PIAS4: variants seen among roughly 807,000 people sequenced by gnomAD.
PIAS4 encodes protein inhibitor of activated STAT 4.
PIAS4 carries 7 observed loss-of-function variants against 58.0 expected under a neutral mutation model. The observed-to-expected ratio is 0.12, with a 90% CI of 0.07 to 0.23. PIAS4 has a LOEUF of 0.23. Ranked by LOEUF, PIAS4 falls within the 10% of genes least tolerant of loss-of-function variation. The pLI, the probability that PIAS4 is intolerant of heterozygous loss-of-function variation, is 1.00. For missense variants in PIAS4, 550 were observed against 709.5 expected, an observed-to-expected ratio of 0.78 and a Z score of 2.55; for synonymous variants, 364 against 312.4, an observed-to-expected ratio of 1.17 and a Z score of -1.74.
chr19:4,025,082 A>G (rs1482209516), intron 3 of PIAS4, among the ~76,000 whole-genome samples: 2 of 152,212 alleles, frequency 1.3e-5, no homozygotes, highest in African/African-American at 4.8e-5. Context: ...GTTTTTTCCC[A>G]GTTATATAAT....
intron 2 of PIAS4, among the ~76,000 whole-genome samples, chr19:4,019,789 C>T (rs1037194770): frequency 1.3e-5 from 2 of 152,228 alleles, no homozygotes; most frequent in African/African-American, 4.8e-5. Context: ...TGGCAGCCCC[C>T]TCTTCCTGAG....
In PIAS4 at chr19:4,038,368, C is replaced by T. The variant is rs2040326330; in HGVS notation, c.*493C>T. On this transcript the variant is annotated 3_prime_UTR_variant, in exon 11 of 11. Coordinates refer to ENST00000262971, the MANE Select transcript of PIAS4 (RefSeq NM_015897.4). The surrounding 1 kb of genome is among the most constrained non-coding windows in gnomAD (Gnocchi z 4.1). ...CTTTGCTTTTTCTCTGCAAATGCATCCTCGCCCAGAGACCCTCACGCGCCG... is the reference window on the plus strand; with the variant it reads ...CTTTGCTTTTTCTCTGCAAATGCATTCTCGCCCAGAGACCCTCACGCGCCG... 2 of 152,064 alleles carry T rather than the reference C, an allele frequency of 1.3e-5. No homozygotes were observed. Among genetic ancestry groups the T allele is most frequent in the African/African-American group, 2.4e-5 (1 of 41,346 alleles). The allele number at this position is 152,064 out of a possible 1,614,324, so 9.4% of individuals were successfully genotyped here.
chr19:4,009,287 C>A (rs2039971226), intron 1 of PIAS4, among the ~76,000 whole-genome samples: 3 of 152,170 alleles, frequency 2.0e-5, no homozygotes, highest in African/African-American at 7.2e-5. Flanking sequence ...GCCTCCCAAC[C>A]CTACACCCCT....
chr19:4,037,880 G>A lies in PIAS4; in HGVS notation c.*5G>A, dbSNP rs781196248. ...GGCCTGGTGCCGGCCTGCTGACCCC[G>A]GCCGCACACTCGACTTTCCTGGTGC... is the stretch of plus-strand genomic sequence containing the variant. On this transcript the variant is annotated 3_prime_UTR_variant, in exon 11 of 11. Coordinates refer to ENST00000262971, the MANE Select transcript of PIAS4 (RefSeq NM_015897.4). This position sits in a 1 kb window ranked among gnomAD's most constrained non-coding sequence, Gnocchi z 5.8. 4.6e-5 allele frequency: 72 copies of A among 1,566,618 alleles called. No individual in the cohort carries two copies. Among genetic ancestry groups the A allele is most frequent in the Admixed American group, 1.1e-4 (6 of 53,660 alleles).
chr19:4,033,219 G>T, intron 8 of PIAS4, 46 bp downstream of exon 8: 4 of 1,560,430 alleles, frequency 2.6e-6, no homozygotes, highest in Middle Eastern at 1.7e-4. Context: ...CCTGCGGCCG[G>T]CCTTCCCCCC....
intron 3 of PIAS4, 62 bp from the exon 4 acceptor site, chr19:4,028,084 G>A: frequency 1.3e-6 from 2 of 1,521,894 alleles, no homozygotes; most frequent in South Asian, 2.2e-5. Context: ...CGGGTGGGCT[G>A]GGGTCACGCC....
Position 4,037,127 on chromosome 19 carries a change from G to A in PIAS4, c.1143-247G>A, listed in dbSNP as rs2040306466. Among the ~76,000 whole-genome samples the A allele has an allele frequency of 6.6e-6, 1 of 152,242 alleles. No homozygotes were observed. The highest frequency in any genetic ancestry group is 6.5e-5 in the Admixed American group (1 of 15,292). ...TGGGTAGTTGGGGGCCACTGGGTAT[G>A]TGTGTCCATGCCCCGTCCCCCCGGC... On this transcript the variant is annotated intron_variant, in intron 9 of 10. Coordinates refer to ENST00000262971, the MANE Select transcript of PIAS4 (RefSeq NM_015897.4). This position sits in a 1 kb window ranked among gnomAD's most constrained non-coding sequence, Gnocchi z 5.8.
chr19:4,026,073 CAAAAAA>C (rs34554020), intron 3 of PIAS4, among the ~76,000 whole-genome samples: 4 of 76,808 alleles, frequency 5.2e-5, no homozygotes, highest in Admixed American at 1.4e-4. Context: ...GACTCCGTCT[CAAAAAA>C]AAAAAAAAAA....
intron 3 of PIAS4, among the ~76,000 whole-genome samples, chr19:4,026,683 C>T (rs975714528): frequency 2.0e-5 from 3 of 151,772 alleles, no homozygotes; most frequent in Non-Finnish European, 4.4e-5. Context: ...ATGTGGCTTT[C>T]GTTTATTATT....
chr19:4,011,672 G>A (rs1020119870), intron 1 of PIAS4, among the ~76,000 whole-genome samples: 1 of 110,430 alleles, frequency 9.1e-6, no homozygotes. Context: ...GTGGAGGTGT[G>A]GGGGGTGTGG....
chr19:4,016,808 G>C (rs1354491699), intron 2 of PIAS4, among the ~76,000 whole-genome samples: 3 of 152,194 alleles, frequency 2.0e-5, no homozygotes, highest in Non-Finnish European at 4.4e-5. Flanking sequence ...GTTCATTGTG[G>C]CCAGAACATG....
intron 2 of PIAS4, among the ~76,000 whole-genome samples, chr19:4,023,660 C>T (rs143578019): frequency 2.4e-4 from 36 of 152,304 alleles, no homozygotes; most frequent in African/African-American, 8.2e-4. Flanking sequence ...GGGCCGGGTC[C>T]GGTTTGTGCT....
rs1311318298 is a variant in PIAS4 at position 4,038,249 on chromosome 19, TGCCCACGACCATTCC to T, written c.*375_*389del. On this transcript the variant is annotated 3_prime_UTR_variant, in exon 11 of 11. Transcript: ENST00000262971. This position sits in a 1 kb window ranked among gnomAD's most constrained non-coding sequence, Gnocchi z 4.1. ...GGATGCCCCGCCGCCCGCCGCCCTCTGCCCACGACCATTCCAGCCAGTGCGCGGGGACCCGGGCGG... is the reference window on the plus strand; with the variant it reads ...GGATGCCCCGCCGCCCGCCGCCCTCTAGCCAGTGCGCGGGGACCCGGGCGG... 186 of 212,986 alleles carry T rather than the reference TGCCCACGACCATTCC, an allele frequency of 8.7e-4. 1 individual carries two copies. Among genetic ancestry groups the T allele is most frequent in the Non-Finnish European group, 1.5e-3 (159 of 108,362 alleles). The allele number at this position is 212,986 out of a possible 1,614,324, so 13.2% of individuals were successfully genotyped here. A position where few individuals can be genotyped will look rare whatever the true frequency, so the allele number is the denominator to read the frequency against.
In PIAS4 at chr19:4,013,689, A is replaced by G. The variant is rs77996612; in HGVS notation, c.454+340A>G. 4.5e-4 allele frequency among the ~76,000 whole-genome samples: 68 copies of G among 152,224 alleles called. No homozygotes were observed. The East Asian group carries it at 0.011, about 25-fold the overall frequency. ...AGCCACCTCATCTGGAGGCTCGACC[A>G]GGGCTGGAGCAGGCACATCCTTGTG... is the stretch of plus-strand genomic sequence containing the variant. On this transcript the variant is annotated intron_variant, in intron 2 of 10. Coordinates refer to ENST00000262971, the MANE Select transcript of PIAS4 (RefSeq NM_015897.4). The surrounding 1 kb of genome is among the most constrained non-coding windows in gnomAD (Gnocchi z 5.1).
intron 4 of PIAS4, 42 bp from the exon 5 acceptor site, chr19:4,028,468 G>A: frequency 6.9e-7 from 1 of 1,453,974 alleles, no homozygotes. Flanking sequence ...AGTCCCTCCT[G>A]TGCGCCCCCT....
At chr19:4,010,944 C>G (rs2039986786) in intron 1 of PIAS4, among the ~76,000 whole-genome samples, 1 of 152,252 alleles carries the variant, frequency 6.6e-6, no homozygotes, top group Non-Finnish European at 1.5e-5. Flanking sequence ...CTCTCCGTCT[C>G]CAACAGGACC....
At chr19:4,036,095 G>A (rs1443755406) in intron 9 of PIAS4, among the ~76,000 whole-genome samples, 10 of 48,316 alleles carry the variant, frequency 2.1e-4, no homozygotes, top group South Asian at 1.3e-3. Flanking sequence ...AGTCCACACC[G>A]TCATACAAAC....
chr19:4,037,363 C>T lies in PIAS4; in HGVS notation c.1143-11C>T, dbSNP rs1266847514. On this transcript the variant is annotated splice_polypyrimidine_tract_variant and intron_variant, in intron 9 of 10. Transcript: ENST00000262971. The surrounding 1 kb of genome is among the most constrained non-coding windows in gnomAD (Gnocchi z 5.8). ...CTCCAGCCCCGGCGTCAGCTGTCCG[C>T]CTCGCCCCAGGCTCCTCTCGAAGAT... The T allele has an allele frequency of 5.0e-6, 8 of 1,596,522 alleles. No homozygotes were observed. In the Admixed American group the frequency reaches 1.0e-4, roughly 20 times the overall value.
At chr19:4,012,881 C>G in intron 1 of PIAS4, 42 bp from the exon 2 acceptor site, 2 of 1,565,454 alleles carry the variant, frequency 1.3e-6, no homozygotes, top group African/African-American at 2.7e-5. Context: ...CCCTGCCTCG[C>G]AGCTGTGTCC....
Sources: allele counts gnomAD v4.1 joint callset (sites outside exome capture counted in the v4.1 genomes callset), GRCh38; gene constraint gnomAD v4.1.1; non-coding constraint Gnocchi (gnomAD v3.1); transcripts MANE v1.5; gene names NCBI Gene and HGNC (gene_info 2026-07-23, HGNC 2026-07-21).